Variants in NAV3 observed in about 807,000 individuals in gnomAD.
The protein encoded by NAV3 is neuron navigator 3.
In NAV3, 87 loss-of-function variants were observed where a neutral mutation model predicts 244.7. The observed-to-expected ratio is 0.36, with a 90% CI of 0.30 to 0.42. The LOEUF (loss-of-function observed/expected upper bound fraction) is 0.42, where lower values mean the gene tolerates loss of function less well. NAV3 is among the 20% of genes least tolerant of loss of function. The probability of loss-of-function intolerance (pLI) is 1.00; values close to 1 mark genes in which losing one functional copy is unlikely to be tolerated. For missense variants in NAV3, 2,663 were observed against 2,893.3 expected (o/e 0.92, Z 1.83); for synonymous variants, 1,126 against 1,042.2 (o/e 1.08, Z -1.55).
At chr12:77,862,112 G>T (rs1451940846) in intron 1 of NAV3, among the ~76,000 whole-genome samples, 2 of 151,326 alleles carry the variant, frequency 1.3e-5, no homozygotes, top group Non-Finnish European at 3.0e-5. Flanking sequence ...ATGCAGTTCT[G>T]AGATTTCTAC....
intron 5 of NAV3, among the ~76,000 whole-genome samples, chr12:77,984,386 C>T (rs149063318): frequency 6.6e-6 from 1 of 152,156 alleles, no homozygotes; most frequent in African/African-American, 2.4e-5. Context: ...ATTAGGAAGA[C>T]TTCCAAGTGC....
chr12:77,918,601 A>C (rs1427068650), intron 1 of NAV3, among the ~76,000 whole-genome samples: 1 of 151,948 alleles, frequency 6.6e-6, no homozygotes, highest in Admixed American at 6.6e-5. Context: ...GGGCTTACTC[A>C]AGTTTGTGGC....
At position 77,662,255 on chromosome 12, in the gene NAV3, A is replaced by ATCTG. The variant is rs1555191953; in HGVS notation, c.72+89992_72+89993insGTCT. 2.3e-4 allele frequency among the ~76,000 whole-genome samples: 35 copies of ATCTG among 151,450 alleles called. No individual in the cohort carries two copies. The East Asian group carries it at 3.3e-3, about 14-fold the overall frequency. On this transcript the variant is annotated intron_variant, in intron 2 of 8. Transcript: ENST00000550042. ...TATCTATCTATCTATCTATCTATCT[A>ATCTG]TCTATCTATATCTCACCTTATTTTA...
intron 2 of NAV3, among the ~76,000 whole-genome samples, chr12:77,695,785 C>G (rs2137179764): frequency 6.6e-6 from 1 of 152,160 alleles, no homozygotes; most frequent in African/African-American, 2.4e-5. Context: ...AAATTATACA[C>G]ATACTCCCTT....
chr12:77,710,906 A>T (rs1876080088), intron 2 of NAV3, among the ~76,000 whole-genome samples: 1 of 152,206 alleles, frequency 6.6e-6, no homozygotes, highest in Non-Finnish European at 1.5e-5. Flanking sequence ...ACATAATTTT[A>T]AAAAATTGTT....
intron 2 of NAV3, among the ~76,000 whole-genome samples, chr12:77,602,465 T>C (rs1346285723): frequency 1.3e-5 from 2 of 151,962 alleles, no homozygotes; most frequent in Non-Finnish European, 2.9e-5. Context: ...AAAAGGATTT[T>C]GGTTGTGATA....
intron 9 of NAV3, among the ~76,000 whole-genome samples, chr12:78,024,880 CAGG>C (rs1247806566): frequency 6.6e-6 from 1 of 151,358 alleles, no homozygotes; most frequent in Non-Finnish European, 1.5e-5. Flanking sequence ...GAGGCTGAGA[CAGG>C]AGAATGGCAT....
chr12:78,198,429 A>T (rs1292393191), intron 35 of NAV3, among the ~76,000 whole-genome samples, 176 bp from the exon 36 acceptor site: 1 of 151,898 alleles, frequency 6.6e-6, no homozygotes, highest in Non-Finnish European at 1.5e-5. Flanking sequence ...TAGAAACTCA[A>T]GTATCAATTT....
chr12:77,661,165 T>G (rs1263505356), intron 2 of NAV3, among the ~76,000 whole-genome samples: 1 of 152,180 alleles, frequency 6.6e-6, no homozygotes, highest in Non-Finnish European at 1.5e-5. Context: ...TGGAAAACTG[T>G]TTTTCATTGT....
At chr12:78,025,946 T>C (rs996634742) in intron 9 of NAV3, among the ~76,000 whole-genome samples, 1 of 152,316 alleles carries the variant, frequency 6.6e-6, no homozygotes, top group South Asian at 2.1e-4. Context: ...CCTCTTTTCT[T>C]CATAAATCAC....
intron 12 of NAV3, among the ~76,000 whole-genome samples, chr12:78,073,722 C>T (rs1007060769): frequency 3.9e-5 from 6 of 152,004 alleles, no homozygotes; most frequent in South Asian, 2.1e-4. Context: ...AAAAAGAGCC[C>T]GCATCGCCAA....
At chr12:77,578,046 G>T (rs1869174834) in intron 2 of NAV3, among the ~76,000 whole-genome samples, 1 of 152,136 alleles carries the variant, frequency 6.6e-6, no homozygotes, top group African/African-American at 2.4e-5. Context: ...CCTGGGATAA[G>T]AATTAAATGA....
chr12:78,151,107 C>T (rs1957066948), intron 22 of NAV3, among the ~76,000 whole-genome samples: 1 of 151,772 alleles, frequency 6.6e-6, no homozygotes, highest in Non-Finnish European at 1.5e-5. Context: ...AGCAGCAGTG[C>T]CAAATAGATA....
At chr12:77,693,284 A>C (rs560670241) in intron 2 of NAV3, among the ~76,000 whole-genome samples, 8 of 152,156 alleles carry the variant, frequency 5.3e-5, no homozygotes, top group Non-Finnish European at 7.4e-5. Context: ...TGCAACTTCT[A>C]GATACCTGTA....
At chr12:77,638,751 A>G (rs894753007) in intron 2 of NAV3, among the ~76,000 whole-genome samples, 1 of 152,246 alleles carries the variant, frequency 6.6e-6, no homozygotes, top group African/African-American at 2.4e-5. Flanking sequence ...TTATAGTGTC[A>G]TCACCATAGT....
intron 2 of NAV3, among the ~76,000 whole-genome samples, chr12:77,696,577 G>T (rs149016343): frequency 4.4e-4 from 67 of 152,240 alleles, no homozygotes; most frequent in Non-Finnish European, 7.9e-4. Context: ...CTGGTCTCTT[G>T]TTCCACAGGA....
chr12:77,743,654 C>T (rs753305246), intron 2 of NAV3, among the ~76,000 whole-genome samples: 2 of 151,474 alleles, frequency 1.3e-5, no homozygotes, highest in Non-Finnish European at 3.0e-5. Flanking sequence ...ATATCCATAG[C>T]AAAATAAATA....
chr12:78,126,093 T>C (rs1185546957), intron 16 of NAV3, among the ~76,000 whole-genome samples: 2 of 152,226 alleles, frequency 1.3e-5, no homozygotes, highest in Non-Finnish European at 2.9e-5. Context: ...ACATATATAC[T>C]GTAACTGGCC....
intron 22 of NAV3, among the ~76,000 whole-genome samples, chr12:78,154,743 G>C (rs1254572906): frequency 6.6e-6 from 1 of 151,786 alleles, no homozygotes; most frequent in African/African-American, 2.4e-5. Context: ...CAAATAAACT[G>C]TCATTAACAA....
Sources: gnomAD v4.1 joint callset for allele counts (sites outside exome capture counted in the v4.1 genomes callset) on GRCh38, gnomAD v4.1.1 for gene constraint, MANE v1.5 for transcripts, NCBI Gene and HGNC (gene_info 2026-07-23, HGNC 2026-07-21) for gene names.